CHRM3: variants seen among roughly 807,000 people sequenced by gnomAD.
The protein encoded by CHRM3 is cholinergic receptor muscarinic 3.
Under a neutral mutation model 41.8 loss-of-function variants are expected in CHRM3, and 11 were observed. The ratio of observed to expected loss-of-function variants is 0.26; its 90% CI spans 0.17 to 0.44. CHRM3 has a LOEUF of 0.44. Among genes scored for constraint, CHRM3 ranks in the 20% least tolerant of loss-of-function variants. The pLI, the probability that CHRM3 is intolerant of heterozygous loss-of-function variation, is 1.00. For missense variants in CHRM3, 571 were observed against 745.4 expected (o/e 0.77, Z 2.72); for synonymous variants, 297 against 301.4 (o/e 0.99, Z 0.15).
At chr1:239,851,993 G>A (rs1228081762) in intron 6 of CHRM3, among the ~76,000 whole-genome samples, 1 of 152,020 alleles carries the variant, frequency 6.6e-6, no homozygotes, top group Non-Finnish European at 1.5e-5. Flanking sequence ...AAATTCCTGG[G>A]TGATTTGTGG....
At chr1:239,734,892 C>T (rs957139053) in intron 5 of CHRM3, among the ~76,000 whole-genome samples, 12 of 151,958 alleles carry the variant, frequency 7.9e-5, no homozygotes, top group African/African-American at 2.4e-4. Flanking sequence ...TGATGGAATT[C>T]GTTATGTCTC....
intron 6 of CHRM3, among the ~76,000 whole-genome samples, chr1:239,835,393 G>C (rs1332062219): frequency 6.6e-6 from 1 of 152,062 alleles, no homozygotes; most frequent in Non-Finnish European, 1.5e-5. Flanking sequence ...CAACTGATGA[G>C]TGCCCACTAC....
intron 6 of CHRM3, among the ~76,000 whole-genome samples, chr1:239,906,072 G>C (rs1679948471): frequency 6.6e-6 from 1 of 152,198 alleles, no homozygotes; most frequent in Non-Finnish European, 1.5e-5. Flanking sequence ...ACTCAAAGAA[G>C]TTAAATATCT....
chr1:239,699,272 G>A (rs2148071081), intron 5 of CHRM3, among the ~76,000 whole-genome samples: 1 of 152,234 alleles, frequency 6.6e-6, no homozygotes, highest in East Asian at 1.9e-4. Context: ...AACTCCCAGT[G>A]TGATGGTATT....
chr1:239,867,391 C>T (rs372307763), intron 6 of CHRM3, among the ~76,000 whole-genome samples: 12 of 152,164 alleles, frequency 7.9e-5, no homozygotes, highest in South Asian at 4.1e-4. Flanking sequence ...TAAGTGACTT[C>T]GAAAGTCATG....
At chr1:239,883,703 C>G (rs911707640) in intron 6 of CHRM3, among the ~76,000 whole-genome samples, 9 of 152,072 alleles carry the variant, frequency 5.9e-5, no homozygotes, top group African/African-American at 2.2e-4. Flanking sequence ...GGTTTGTGTT[C>G]CACCATTACT....
chr1:239,522,877 G>A (rs2248922), intron 2 of CHRM3, among the ~76,000 whole-genome samples: 70,293 of 151,920 alleles, frequency 0.46, 17,052 homozygotes, highest in Middle Eastern at 0.63. Flanking sequence ...GCAAAATTTT[G>A]AACTTTTCAG....
At chr1:239,651,587 G>T (rs1319973090) in intron 4 of CHRM3, among the ~76,000 whole-genome samples, 1 of 152,150 alleles carries the variant, frequency 6.6e-6, no homozygotes, top group Non-Finnish European at 1.5e-5. Flanking sequence ...CCCTAGAGTT[G>T]AACTCCAGTG....
intron 6 of CHRM3, among the ~76,000 whole-genome samples, chr1:239,892,665 A>G (rs1678652354): frequency 6.6e-6 from 1 of 152,186 alleles, no homozygotes; most frequent in Admixed American, 6.5e-5. Flanking sequence ...AAATGAATCT[A>G]GAAACTAGCT....
intron 2 of CHRM3, among the ~76,000 whole-genome samples, chr1:239,512,110 A>G (rs1332329440): frequency 1.3e-5 from 2 of 152,182 alleles, no homozygotes; most frequent in Non-Finnish European, 2.9e-5. Context: ...GTGGACGGGC[A>G]CTAGGATGGG....
chr1:239,649,920 T>G (rs1672084518), intron 4 of CHRM3, among the ~76,000 whole-genome samples: 1 of 152,188 alleles, frequency 6.6e-6, no homozygotes, highest in Admixed American at 6.5e-5. Flanking sequence ...CCAATTAAAA[T>G]AAGTTAAATA....
At chr1:239,485,050 T>C (rs1667098870) in intron 1 of CHRM3, among the ~76,000 whole-genome samples, 2 of 152,182 alleles carry the variant, frequency 1.3e-5, no homozygotes, top group Non-Finnish European at 2.9e-5. Flanking sequence ...TTAAGTTGAT[T>C]TTTGCTGAAC....
chr1:239,694,818 T>C (rs564188945), intron 5 of CHRM3, among the ~76,000 whole-genome samples: 2 of 152,320 alleles, frequency 1.3e-5, no homozygotes, highest in Non-Finnish European at 2.9e-5. Flanking sequence ...GTATCTTTTA[T>C]TTTAAAATAT....
intron 2 of CHRM3, among the ~76,000 whole-genome samples, chr1:239,504,522 T>C (rs1412034280): frequency 2.0e-5 from 3 of 152,138 alleles, no homozygotes; most frequent in African/African-American, 7.2e-5. Context: ...CTTAAAGAAC[T>C]ACAAGTAGAA....
At chr1:239,586,169 AT>A (rs1425099595) in intron 3 of CHRM3, among the ~76,000 whole-genome samples, 1 of 152,048 alleles carries the variant, frequency 6.6e-6, no homozygotes, top group African/African-American at 2.4e-5. Context: ...ACATGTTTAG[AT>A]TTTTTTATAA....
intron 5 of CHRM3, among the ~76,000 whole-genome samples, chr1:239,764,625 G>A (rs1009905045): frequency 2.0e-5 from 3 of 152,216 alleles, no homozygotes; most frequent in African/African-American, 7.2e-5. Flanking sequence ...CTTTCCCAGT[G>A]TGCCTACAGA....
At chr1:239,632,929 G>A (rs1436598546) in intron 4 of CHRM3, among the ~76,000 whole-genome samples, 1 of 152,180 alleles carries the variant, frequency 6.6e-6, no homozygotes, top group African/African-American at 2.4e-5. Flanking sequence ...AAGGCCTCAG[G>A]AAACTTATAA....
intron 1 of CHRM3, among the ~76,000 whole-genome samples, chr1:239,489,028 T>C (rs1667381056): frequency 1.3e-5 from 2 of 152,188 alleles, no homozygotes; most frequent in South Asian, 4.1e-4. Flanking sequence ...AATAAAAATC[T>C]GGTTACAAAT....
rs76754051 is a variant in CHRM3, at chr1:239,546,793, T to C, written c.-313+1044T>C. 3.9e-4 allele frequency among the ~76,000 whole-genome samples: 60 copies of C among 152,282 alleles called. 2 individuals are homozygous for C. The East Asian group carries it at 0.011, about 28-fold the overall frequency. On this transcript the variant is annotated intron_variant, in intron 3 of 6. Coordinates refer to ENST00000676153, the MANE Select transcript of CHRM3 (RefSeq NM_001375978.1). ...AGAAAGATATATTAGATACTTCTTA[T>C]GTGTACTTTAGTTTCAAGATACTAA...
Sources: allele counts gnomAD v4.1 joint callset (sites outside exome capture counted in the v4.1 genomes callset), GRCh38; gene constraint gnomAD v4.1.1; transcripts MANE v1.5; gene names NCBI Gene and HGNC (gene_info 2026-07-23, HGNC 2026-07-21).